LRRK2: variants seen among roughly 807,000 people sequenced by gnomAD.
The protein encoded by LRRK2 is leucine-rich repeat serine/threonine-protein kinase 2.
A neutral mutation model predicts 302.6 loss-of-function variants in LRRK2; 203 were observed. That is an observed-to-expected ratio of 0.67 (90% CI 0.60 to 0.75). The LOEUF is 0.75. Among genes scored for constraint, LRRK2 ranks in the 30% least tolerant of loss-of-function variants. The probability of loss-of-function intolerance (pLI) is 0.00; values close to 1 mark genes in which losing one functional copy is unlikely to be tolerated. For missense variants in LRRK2, 2,830 were observed against 2,951.0 expected, an observed-to-expected ratio of 0.96 and a Z score of 0.95; for synonymous variants, 1,066 against 1,031.9, an observed-to-expected ratio of 1.03 and a Z score of -0.63.
At position 40,313,477 on chromosome 12, in the gene LRRK2, G is replaced by A. The variant is rs11564178; in HGVS notation, c.4537-495G>A. 3.9e-3 allele frequency among the ~76,000 whole-genome samples: 586 copies of A among 151,872 alleles called. 21 individuals carry two copies. In the East Asian group the frequency reaches 0.097, roughly 25 times the overall value. On this transcript the variant is annotated intron_variant, in intron 31 of 50. Transcript: ENST00000298910. ...CTTGAGTGGGATTTTATGTCTCTGC[G>A]TTTCACTGTTGATATATATGTCCTC... is the stretch of plus-strand genomic sequence containing the variant.
At chr12:40,306,752 TA>T (rs1171875184) in intron 28 of LRRK2, among the ~76,000 whole-genome samples, 1 of 152,166 alleles carries the variant, frequency 6.6e-6, no homozygotes, top group Admixed American at 6.6e-5. Flanking sequence ...GTTGTTTAAT[TA>T]CCAGTGATTT....
chr12:40,232,349 G>A lies in LRRK2; in HGVS notation c.313G>A (p.Val105Ile). Residue 105 changes from valine to isoleucine, a missense_variant, in exon 3 of 51, where the codon GTT becomes ATT. Physicochemically the swap from Val to Ile is conservative, Grantham distance 29. Transcript: ENST00000298910. Reference protein sequence around the residue: ...TMQSLMGPQDVGNDWEVLGVH... With the variant: ...TMQSLMGPQDIGNDWEVLGVH... ...GCAAAGCTTAATGGGACCCCAGGATGTTGGAAATGATTGGGAAGTCCTTGG... is the reference window on the plus strand; with the variant it reads ...GCAAAGCTTAATGGGACCCCAGGATATTGGAAATGATTGGGAAGTCCTTGG... 6.2e-7 allele frequency: 1 copy of A among 1,614,084 alleles called. No homozygotes were observed. Among genetic ancestry groups the A allele is most frequent in the Non-Finnish European group, 8.5e-7 (1 of 1,179,946 alleles).
rs190316807 is a variant in LRRK2 at position 40,320,263 on chromosome 12, T to C, written c.5015+88T>C. 3.7e-5 allele frequency: 38 copies of C among 1,019,150 alleles called. 1 individual carries two copies. The East Asian group carries it at 8.8e-4, about 24-fold the overall frequency. 63.1% of individuals were successfully genotyped at this position (1,019,150 alleles called of 1,614,324 possible). A position where few individuals can be genotyped will look rare whatever the true frequency, so the allele number is the denominator to read the frequency against. ...CAAACTAACTGTAGTCTATAATAGA[T>C]GTATTAAATAAATAAATATATTTTG... On this transcript the variant is annotated intron_variant, in intron 34 of 50. Transcript: ENST00000298910.
chr12:40,226,205 C>G lies in LRRK2; in HGVS notation c.237+565C>G, dbSNP rs17465744. Among the ~76,000 whole-genome samples the G allele has an allele frequency of 5.2e-3, 789 of 152,232 alleles. 3 individuals carry two copies. The highest frequency in any genetic ancestry group is 7.8e-3 in the Non-Finnish European group (531 of 68,014). ...TTTGCAACTGTTGTCATATAAAATG[C>G]ATGTAGAAGTGAAACTTTTACAATC... On this transcript the variant is annotated intron_variant, in intron 2 of 50. Coordinates refer to ENST00000298910, the MANE Select transcript of LRRK2 (RefSeq NM_198578.4).
At chr12:40,265,334 T>C (rs946845054) in intron 14 of LRRK2, among the ~76,000 whole-genome samples, 1 of 152,188 alleles carries the variant, frequency 6.6e-6, no homozygotes, top group Admixed American at 6.5e-5. Flanking sequence ...TTCTTTTCTT[T>C]AAACAAGAGA....
rs566556050 is a variant in LRRK2 at position 40,285,262 on chromosome 12, A to T, written c.2500+1129A>T. Among the ~76,000 whole-genome samples the T allele has an allele frequency of 5.3e-5, 8 of 152,224 alleles. No homozygotes were observed. The East Asian group carries it at 7.7e-4, about 15-fold the overall frequency. On this transcript the variant is annotated intron_variant, in intron 19 of 50. Transcript: ENST00000298910. The stretch of plus-strand genomic sequence containing the variant: ...CATATACTACCATTCACCACATTAT[A>T]TAATTTAATTTTTCATTTTTATAAT...
At chr12:40,269,750 T>C (rs1316006165) in intron 14 of LRRK2, among the ~76,000 whole-genome samples, 6 of 152,194 alleles carry the variant, frequency 3.9e-5, no homozygotes, top group Admixed American at 6.6e-5. Context: ...TTCAATTTTC[T>C]ATGTGTACGA....
chr12:40,367,572 C>A, intron 50 of LRRK2, 72 bp from the exon 51 acceptor site: 2 of 1,493,736 alleles, frequency 1.3e-6, no homozygotes, highest in Non-Finnish European at 9.1e-7. Flanking sequence ...AATACATGAG[C>A]CAAACTGAAA....
chr12:40,348,719 C>T (rs1946267416), intron 43 of LRRK2, among the ~76,000 whole-genome samples: 1 of 152,098 alleles, frequency 6.6e-6, no homozygotes, highest in South Asian at 2.1e-4. Flanking sequence ...TGCCTGTCTC[C>T]TCTTCTCTTC....
At chr12:40,226,588 C>A (rs1940899213) in intron 2 of LRRK2, among the ~76,000 whole-genome samples, 1 of 152,076 alleles carries the variant, frequency 6.6e-6, no homozygotes, top group Non-Finnish European at 1.5e-5. Context: ...TCTGGGTGAA[C>A]CATCTAGCTT....
rs764892406 is a variant in LRRK2 at position 40,363,559 on chromosome 12, A to C, written c.7181+5A>C. ...AGACTGCGTGCACTTTTTAAGGTAA[A>C]TTCTGTGGTTTTTAATTTTATTCCC... On this transcript the variant is annotated splice_donor_5th_base_variant and intron_variant, in intron 48 of 50. Coordinates refer to ENST00000298910, the MANE Select transcript of LRRK2 (RefSeq NM_198578.4). 1 of 1,610,772 alleles carries C rather than the reference A, an allele frequency of 6.2e-7. No individual in the cohort carries two copies. Among genetic ancestry groups the C allele is most frequent in the South Asian group, 1.1e-5 (1 of 91,008 alleles).
At chr12:40,272,350 G>T (rs146257479) in intron 14 of LRRK2, among the ~76,000 whole-genome samples, 1 of 152,286 alleles carries the variant, frequency 6.6e-6, no homozygotes, top group African/African-American at 2.4e-5. Flanking sequence ...AGAAATTTGG[G>T]CTTAGAACTT....
At chr12:40,322,609 G>A in intron 37 of LRRK2, 99 bp downstream of exon 37, 1 of 1,070,656 alleles carries the variant, frequency 9.3e-7, no homozygotes, top group East Asian at 2.5e-5. Flanking sequence ...TAAGGGATGA[G>A]TTGAAAAATA....
chr12:40,304,505 G>C (rs1301499322), intron 27 of LRRK2: 5 of 223,920 alleles, frequency 2.2e-5, no homozygotes, highest in African/African-American at 6.8e-5. Context: ...TTTGTACAAA[G>C]TAAAAATTAT....
intron 20 of LRRK2, among the ~76,000 whole-genome samples, chr12:40,291,887 G>A (rs1944172126): frequency 6.6e-6 from 1 of 151,912 alleles, no homozygotes; most frequent in African/African-American, 2.4e-5. Context: ...GTTGTTTGTT[G>A]TGCAAACATT....
intron 14 of LRRK2, 39 bp downstream of exon 14, chr12:40,263,940 C>T (rs572666917): frequency 3.5e-6 from 5 of 1,420,732 alleles, no homozygotes; most frequent in African/African-American, 2.9e-5. Flanking sequence ...ATACTATTAA[C>T]TAAAATATTA....
At chr12:40,307,144 G>A (rs1213400328) in intron 28 of LRRK2, among the ~76,000 whole-genome samples, 1 of 151,754 alleles carries the variant, frequency 6.6e-6, no homozygotes, top group Non-Finnish European at 1.5e-5. Context: ...AGAAATTGTA[G>A]GCATCATTTG....
At position 40,251,478 on chromosome 12, in the gene LRRK2, G is replaced by T; in HGVS notation, c.1115G>T (p.Trp372Leu). The T allele has an allele frequency of 6.2e-7, 1 of 1,611,920 alleles. No individual in the cohort carries two copies. The highest frequency in any genetic ancestry group is 1.1e-5 in the South Asian group (1 of 90,866). ...KNKHVQEAAC[W>L]ALNNLLMYQN... ...CCCCTAATCCAGGAGGCCGCATGCTGGGCACTAAATAATCTCCTTATGTAC... is the reference window on the plus strand; with the variant it reads ...CCCCTAATCCAGGAGGCCGCATGCTTGGCACTAAATAATCTCCTTATGTAC... The change falls in exon 10 of 51, where the codon TGG becomes TTG. Residue 372 changes from tryptophan (W) to leucine (L), a missense_variant. Trp to Leu is a moderately conservative substitution (Grantham distance 61). Around this residue, in one of 3 missense-constraint regions of LRRK2, gnomAD observed 2,121 missense variants for 2,148.0 expected, o/e 0.99. Coordinates refer to ENST00000298910, the MANE Select transcript of LRRK2 (RefSeq NM_198578.4).
chr12:40,243,748 T>C, intron 7 of LRRK2, 67 bp downstream of exon 7: 2 of 1,433,054 alleles, frequency 1.4e-6, no homozygotes, highest in Non-Finnish European at 2.0e-6. Flanking sequence ...AACATATATA[T>C]GTTGCATAAT....
Sources: gnomAD v4.1 joint callset for allele counts (sites outside exome capture counted in the v4.1 genomes callset) on GRCh38, gnomAD v4.1.1 for gene constraint, gnomAD v4.1.1 regional missense constraint, MANE v1.5 for transcripts, NCBI Gene and HGNC (gene_info 2026-07-23, HGNC 2026-07-21) for gene names.